Variants in TOM1L1 observed in about 807,000 individuals in gnomAD.
TOM1L1 encodes TOM1-like protein 1.
In TOM1L1, 64 loss-of-function variants were observed where a neutral mutation model predicts 63.4. The ratio of observed to expected loss-of-function variants is 1.01; its 90% CI spans 0.83 to 1.24. TOM1L1 has a LOEUF of 1.24. Ranked by LOEUF, TOM1L1 falls within the 50% of genes most tolerant of loss-of-function variation. The pLI is 0.00. For synonymous variants in TOM1L1, 166 were observed against 194.4 expected, an observed-to-expected ratio of 0.85 and a Z score of 1.22; for missense variants, 536 against 567.0, an observed-to-expected ratio of 0.95 and a Z score of 0.55.
chr17:54,923,003 A>G (rs2048708863), intron 7 of TOM1L1, among the ~76,000 whole-genome samples: 1 of 152,204 alleles, frequency 6.6e-6, no homozygotes, highest in Admixed American at 6.5e-5. Flanking sequence ...ATCACATAAT[A>G]TATGACTTTT....
intron 14 of TOM1L1, chr17:54,952,606 G>A (rs2049293029): frequency 6.6e-6 from 1 of 151,236 alleles, no homozygotes; most frequent in Admixed American, 6.6e-5. Flanking sequence ...CAAGAGGCTT[G>A]GGCATGGACC....
chr17:54,956,300 A>G (rs2049499567), intron 14 of TOM1L1, among the ~76,000 whole-genome samples: 1 of 151,952 alleles, frequency 6.6e-6, no homozygotes, highest in African/African-American at 2.4e-5. Flanking sequence ...GTGTGCTACC[A>G]TGCCTGGCTA....
chr17:54,900,998 C>T, intron 1 of TOM1L1, 75 bp downstream of exon 1: 1 of 1,598,474 alleles, frequency 6.3e-7, no homozygotes, highest in Admixed American at 1.7e-5. Context: ...CCATTCTCGG[C>T]CTGCAGAGGA....
intron 11 of TOM1L1, among the ~76,000 whole-genome samples, chr17:54,943,637 G>C (rs933660733): frequency 6.6e-6 from 1 of 151,934 alleles, no homozygotes; most frequent in African/African-American, 2.4e-5. Context: ...AGTGATTGCA[G>C]TATACTTATT....
At chr17:54,921,354 T>C (rs955424361) in intron 7 of TOM1L1, among the ~76,000 whole-genome samples, 3 of 152,210 alleles carry the variant, frequency 2.0e-5, no homozygotes, top group African/African-American at 7.2e-5. Context: ...AAATTCTATA[T>C]AGCATTTTTT....
chr17:54,904,869 G>A (rs559979294), intron 2 of TOM1L1, among the ~76,000 whole-genome samples: 37 of 152,224 alleles, frequency 2.4e-4, no homozygotes, highest in Non-Finnish European at 4.0e-4. Context: ...AATGGAAAGC[G>A]CTTATGGTTA....
intron 7 of TOM1L1, among the ~76,000 whole-genome samples, chr17:54,919,057 A>T (rs971105533): frequency 6.6e-6 from 1 of 152,164 alleles, no homozygotes; most frequent in South Asian, 2.1e-4. Flanking sequence ...CTATCACTGG[A>T]CTTAGTTTAT....
rs534878358 is a variant in TOM1L1 at position 54,961,424 on chromosome 17, G to A, written c.*191G>A. ...TAACACTGATTCCTGACAACAGCGT[G>A]AGATTTCAACAGAACTTGTTTGGAA... On this transcript the variant is annotated 3_prime_UTR_variant, in exon 16 of 16. Transcript: ENST00000575882. 26 of 1,517,334 alleles carry A rather than the reference G, an allele frequency of 1.7e-5. No homozygotes were observed. In the African/African-American group the frequency reaches 3.2e-4, roughly 19 times the overall value. The allele number at this position is 1,517,334 out of a possible 1,614,324, so 94.0% of individuals were successfully genotyped here. A position where few individuals can be genotyped will look rare whatever the true frequency, so the allele number is the denominator to read the frequency against.
intron 2 of TOM1L1, among the ~76,000 whole-genome samples, chr17:54,905,182 T>TTTCCTCTATCAA (rs1427296132): frequency 4.6e-5 from 7 of 152,202 alleles, no homozygotes; most frequent in Non-Finnish European, 8.8e-5. Context: ...TATAAGTTGG[T>TTTCCTCTATCAA]TCTGTGCATT....
chr17:54,908,845 C>T (rs992135828), intron 3 of TOM1L1, among the ~76,000 whole-genome samples: 1 of 152,136 alleles, frequency 6.6e-6, no homozygotes, highest in African/African-American at 2.4e-5. Flanking sequence ...GTTAATAGGC[C>T]TTTGTGGAGC....
At chr17:54,949,440 G>T in intron 12 of TOM1L1, 78 bp from the exon 13 acceptor site, 2 of 1,027,626 alleles carry the variant, frequency 1.9e-6, no homozygotes, top group Non-Finnish European at 3.0e-6. Flanking sequence ...CAATGTACTT[G>T]CAAGTGTAGG....
chr17:54,905,668 C>G (rs1453128470), intron 3 of TOM1L1, 101 bp downstream of exon 3: 7 of 721,068 alleles, frequency 9.7e-6, no homozygotes, highest in Non-Finnish European at 1.4e-5. Context: ...TCTGAGAAAA[C>G]TAATAGGTTA....
chr17:54,945,920 A>C (rs1191305591), intron 11 of TOM1L1, among the ~76,000 whole-genome samples: 8 of 152,110 alleles, frequency 5.3e-5, no homozygotes, highest in Admixed American at 6.5e-5. Flanking sequence ...ATGGTTCTTC[A>C]TATGCCTCAT....
chr17:54,920,800 A>C (rs2958911), intron 7 of TOM1L1, among the ~76,000 whole-genome samples: 1,839 of 152,336 alleles, frequency 0.012, 31 homozygotes, highest in African/African-American at 0.042. Context: ...AGAATCTAGG[A>C]ATCTCTGCAG....
chr17:54,904,690 T>C (rs2048382886), intron 2 of TOM1L1, among the ~76,000 whole-genome samples: 1 of 152,220 alleles, frequency 6.6e-6, no homozygotes, highest in African/African-American at 2.4e-5. Flanking sequence ...AAGAAAAAAG[T>C]CATTAAGAAG....
At chr17:54,948,396 G>A (rs947148317) in intron 12 of TOM1L1, among the ~76,000 whole-genome samples, 8 of 152,050 alleles carry the variant, frequency 5.3e-5, no homozygotes, top group Non-Finnish European at 8.8e-5. Flanking sequence ...GACCGCACCC[G>A]TCACCTCTCC....
Position 54,930,154 on chromosome 17 carries a change from G to T in TOM1L1, c.802G>T (p.Glu268Ter). ...VVVENEDVTV[E>*]LIQVNEDLNN... ...GGTGGAGAACGAAGATGTAACTGTTGAGCTAATTCAGGTGAATGAGGATTT... is the reference window on the plus strand; with the variant it reads ...GGTGGAGAACGAAGATGTAACTGTTTAGCTAATTCAGGTGAATGAGGATTT... Residue 268 changes from glutamate to a stop codon, truncating the protein, a stop_gained, in exon 8 of 16, where the codon GAG becomes TAG. Coordinates refer to ENST00000575882, the MANE Select transcript of TOM1L1 (RefSeq NM_005486.3). LOFTEE classifies it high-confidence loss of function. 6 of 1,614,066 alleles carry T rather than the reference G, an allele frequency of 3.7e-6. No homozygotes were observed. The highest frequency in any genetic ancestry group is 5.1e-6 in the Non-Finnish European group (6 of 1,179,986).
chr17:54,912,792 A>G lies in TOM1L1; in HGVS notation c.349A>G (p.Asn117Asp). The change falls in exon 4 of 16, where the codon AAT becomes GAT. Residue 117 changes from asparagine (N) to aspartate (D), a missense_variant. Transcript: ENST00000575882. The part of the protein sequence containing the change: ...PRYNLPLDIQ[N>D]RILNFIKTWS... ...ATACAACTTGCCATTAGACATTCAG[A>G]ATAGAATCTTGAATTTCATTAAGGT... The G allele has an allele frequency of 6.2e-7, 1 of 1,606,366 alleles. No homozygotes were observed. Among genetic ancestry groups the G allele is most frequent in the Admixed American group, 1.7e-5 (1 of 57,956 alleles).
In TOM1L1 at chr17:54,923,806, A is replaced by G. The variant is rs566968423; in HGVS notation, c.721-6267A>G. 2.5e-3 allele frequency among the ~76,000 whole-genome samples: 382 copies of G among 151,990 alleles called. 1 individual carries two copies. Among genetic ancestry groups the G allele is most frequent in the African/African-American group, 8.9e-3 (367 of 41,468 alleles). Reference sequence around the variant, plus strand: ...GGTGATCTACCTGCCTTGGCCTCCCAAAGTTGTATTATAGCTTTTTAAAAG... The same window carrying G: ...GGTGATCTACCTGCCTTGGCCTCCCGAAGTTGTATTATAGCTTTTTAAAAG... On this transcript the variant is annotated intron_variant, in intron 7 of 15. Transcript: ENST00000575882.
Sources: allele counts gnomAD v4.1 joint callset (sites outside exome capture counted in the v4.1 genomes callset), GRCh38; gene constraint gnomAD v4.1.1; transcripts MANE v1.5; gene names NCBI Gene and HGNC (gene_info 2026-07-23, HGNC 2026-07-21).